NLRP14: variants seen among roughly 807,000 people sequenced by gnomAD.
The protein encoded by NLRP14 is NACHT, LRR and PYD domains-containing protein 14.
NLRP14 carries 105 observed loss-of-function variants against 94.7 expected under a neutral mutation model. The observed-to-expected ratio is 1.11, with a 90% CI of 0.95 to 1.30. NLRP14 has a LOEUF of 1.30. Among genes scored for constraint, NLRP14 ranks in the 50% most tolerant of loss-of-function variants. The pLI is 0.00. For missense variants in NLRP14, 1,362 were observed against 1,254.1 expected (o/e 1.09, Z -1.30); for synonymous variants, 508 against 459.9 (o/e 1.10, Z -1.34).
chr11:7,075,509 GTTTATC>G (rs1415742580), downstream of NLRP14, among the ~76,000 whole-genome samples: 2 of 152,112 alleles, frequency 1.3e-5, no homozygotes, highest in African/African-American at 4.8e-5. Context: ...GATGAGGAAT[GTTTATC>G]TTAAACTGAT....
At chr11:7,046,885 C>T in intron 5 of NLRP14, 53 bp downstream of exon 5, 1 of 1,353,170 alleles carries the variant, frequency 7.4e-7, no homozygotes, top group South Asian at 1.2e-5. Flanking sequence ...CTTTCTGTGT[C>T]CCATCTTCCA....
In NLRP14 at chr11:7,051,658, C is replaced by A. The variant is rs970766733; in HGVS notation, c.2291+1820C>A. On this transcript the variant is annotated intron_variant, in intron 6 of 11. Coordinates refer to ENST00000299481, the MANE Select transcript of NLRP14 (RefSeq NM_176822.4). The stretch of plus-strand genomic sequence containing the variant: ...TTGAGACAGAGTCTCGTTCTGTCAC[C>A]CAGGCTGGAGTGCAGTGGTGCGATC... 7.9e-5 allele frequency among the ~76,000 whole-genome samples: 12 copies of A among 152,248 alleles called. No individual in the cohort carries two copies. In the East Asian group the frequency reaches 2.3e-3, roughly 29 times the overall value.
intron 1 of NLRP14, among the ~76,000 whole-genome samples, chr11:7,023,688 C>G (rs886933697): frequency 6.6e-6 from 1 of 151,796 alleles, no homozygotes; most frequent in African/African-American, 2.4e-5. Flanking sequence ...ATAAAGAAAA[C>G]AGGTTTAATC....
chr11:7,059,032 T>G (rs1003704079), intron 8 of NLRP14, among the ~76,000 whole-genome samples: 3 of 151,934 alleles, frequency 2.0e-5, no homozygotes, highest in Non-Finnish European at 4.4e-5. Flanking sequence ...CTACAATCTT[T>G]TTGATCTGTA....
At chr11:7,046,593 A>G (rs1852353728) in intron 4 of NLRP14, 75 bp from the exon 5 acceptor site, 12 of 1,382,656 alleles carry the variant, frequency 8.7e-6, no homozygotes, top group Admixed American at 1.7e-5. Flanking sequence ...TTTTACTCCA[A>G]TACTATCCTC....
intron 6 of NLRP14, among the ~76,000 whole-genome samples, chr11:7,056,951 T>C (rs1341830652): frequency 6.6e-6 from 1 of 151,942 alleles, no homozygotes; most frequent in South Asian, 2.1e-4. Flanking sequence ...AGACCCTGAT[T>C]TTGATGACGA....
At chr11:7,029,175 G>A (rs961265798) in intron 1 of NLRP14, among the ~76,000 whole-genome samples, 1 of 152,138 alleles carries the variant, frequency 6.6e-6, no homozygotes, top group African/African-American at 2.4e-5. Context: ...AGTAAAAATG[G>A]AATACTACCA....
At chr11:7,024,023 A>C (rs1262153533) in intron 1 of NLRP14, among the ~76,000 whole-genome samples, 1 of 152,308 alleles carries the variant, frequency 6.6e-6, no homozygotes, top group East Asian at 1.9e-4. Context: ...TCCAAACTAT[A>C]TCAGAAACAT....
chr11:7,087,305 C>T, the NLRP14 span, among the ~76,000 whole-genome samples: 30 of 152,218 alleles, frequency 2.0e-4, no homozygotes, highest in Admixed American at 1.8e-3. Flanking sequence ...GTAACTTCTG[C>T]TTTCCTGAAA....
chr11:7,043,115 T>A lies in NLRP14; in HGVS notation c.1089T>A (p.Phe363Leu), dbSNP rs565254572. The A allele has an allele frequency of 6.2e-7, 1 of 1,614,184 alleles. No individual in the cohort carries two copies. Among genetic ancestry groups the A allele is most frequent in the South Asian group, 1.1e-5 (1 of 91,082 alleles). ...CACTAAAAAGCAATGAGATGCTGTT[T>A]AGCATGTGCCAAGTCCCCCTAGTGT... is the stretch of plus-strand genomic sequence containing the variant. ...FSSLKSNEML[F>L]SMCQVPLVCW... The change falls in exon 4 of 12, where the codon TTT (phenylalanine) becomes TTA (leucine). Residue 363 changes from phenylalanine to leucine, a missense_variant. Transcript: ENST00000299481.
chr11:7,087,119 C>G, the NLRP14 span, among the ~76,000 whole-genome samples: 5 of 152,300 alleles, frequency 3.3e-5, no homozygotes, highest in African/African-American at 9.6e-5. Flanking sequence ...TGGAGTCACA[C>G]TCAGGAGCCA....
In NLRP14 at chr11:7,049,777, A is replaced by C; in HGVS notation, c.2230A>C (p.Asn744His). The C allele has an allele frequency of 6.2e-7, 1 of 1,611,028 alleles. No homozygotes were observed. Among genetic ancestry groups the C allele is most frequent in the Non-Finnish European group, 8.5e-7 (1 of 1,177,204 alleles). The change falls in exon 6 of 12, where the codon AAT becomes CAT. Residue 744 changes from asparagine (N) to histidine (H), a missense_variant. Coordinates refer to ENST00000299481, the MANE Select transcript of NLRP14 (RefSeq NM_176822.4). ...CCTAAAAGGGAGTGATATAGGGGATAATGGAGTAAAGTCATTGTGTGAGGC... is the reference window on the plus strand; with the variant it reads ...CCTAAAAGGGAGTGATATAGGGGATCATGGAGTAAAGTCATTGTGTGAGGC... The part of the protein sequence containing the change: ...LDLKGSDIGD[N>H]GVKSLCEALK...
chr11:7,036,919 G>C (rs942230026), intron 1 of NLRP14, among the ~76,000 whole-genome samples: 27 of 152,170 alleles, frequency 1.8e-4, no homozygotes, highest in African/African-American at 6.0e-4. Flanking sequence ...CAAGAAGATA[G>C]ATTTCTAATG....
chr11:7,036,305 C>A (rs1228560743), intron 1 of NLRP14, among the ~76,000 whole-genome samples: 2 of 152,046 alleles, frequency 1.3e-5, no homozygotes, highest in Non-Finnish European at 2.9e-5. Context: ...AAAGCCAAAA[C>A]AAAACAACAA....
chr11:7,070,234 T>C (rs1852769845), intron 10 of NLRP14, 52 bp from the exon 11 acceptor site: 2 of 1,329,832 alleles, frequency 1.5e-6, no homozygotes, highest in Admixed American at 1.7e-5. Context: ...TTGTGGGCTT[T>C]GTTGTGTCAT....
At chr11:7,032,358 C>T (rs1430327284) in intron 1 of NLRP14, among the ~76,000 whole-genome samples, 3 of 152,082 alleles carry the variant, frequency 2.0e-5, no homozygotes, top group Non-Finnish European at 4.4e-5. Flanking sequence ...TTTATACATT[C>T]ATTATAATTG....
At position 7,070,278 on chromosome 11, in the gene NLRP14, C is replaced by G. The variant is rs771759637; in HGVS notation, c.2976-8C>G. On this transcript the variant is annotated splice_polypyrimidine_tract_variant and splice_region_variant and intron_variant, in intron 10 of 11. Coordinates refer to ENST00000299481, the MANE Select transcript of NLRP14 (RefSeq NM_176822.4). ...TTCATTTTTATCTTTTGTCTCTCTT[C>G]TCTACAGGTTGGAATACTGTGGTTT... is the stretch of plus-strand genomic sequence containing the variant. The G allele has an allele frequency of 1.5e-5, 24 of 1,600,154 alleles. No homozygotes were observed.
At chr11:7,070,511 G>A in intron 11 of NLRP14, 55 bp downstream of exon 11, 1 of 1,289,016 alleles carries the variant, frequency 7.8e-7, no homozygotes, top group Non-Finnish European at 1.1e-6. Flanking sequence ...GGGATTTGGG[G>A]AGCCACTCAT....
chr11:7,043,987 A>G lies in NLRP14; in HGVS notation c.1958+3A>G. 1 of 1,613,728 alleles carries G rather than the reference A, an allele frequency of 6.2e-7. No homozygotes were observed. Among genetic ancestry groups the G allele is most frequent in the Non-Finnish European group, 8.5e-7 (1 of 1,179,632 alleles). Reference sequence around the variant, plus strand: ...ACAAGCCTCCCAACTAACACTTGGTAAGTGTGTTAGGGCCATTCCCTGGAA... The same window carrying G: ...ACAAGCCTCCCAACTAACACTTGGTGAGTGTGTTAGGGCCATTCCCTGGAA... On this transcript the variant is annotated splice_donor_region_variant and intron_variant, in intron 4 of 11. Coordinates refer to ENST00000299481, the MANE Select transcript of NLRP14 (RefSeq NM_176822.4).
Sources: gnomAD v4.1 joint callset for allele counts (sites outside exome capture counted in the v4.1 genomes callset) on GRCh38, gnomAD v4.1.1 for gene constraint, MANE v1.5 for transcripts, NCBI Gene and HGNC (gene_info 2026-07-23, HGNC 2026-07-21) for gene names.